Variants in NEGR1 observed in about 807,000 individuals in gnomAD.
NEGR1 encodes the protein neuronal growth regulator 1.
A neutral mutation model predicts 40.9 loss-of-function variants in NEGR1; 10 were observed. The observed-to-expected ratio is 0.24, with a 90% CI of 0.15 to 0.42. The LOEUF (loss-of-function observed/expected upper bound fraction) is 0.42. NEGR1 is among the 10% of genes least tolerant of loss of function. NEGR1 has a pLI of 1.00. For synonymous variants in NEGR1, 185 were observed against 166.8 expected, an observed-to-expected ratio of 1.11 and a Z score of -0.84; for missense variants, 352 against 438.9, an observed-to-expected ratio of 0.80 and a Z score of 1.77.
At chr1:71,969,009 T>C (rs1214072424) in intron 1 of NEGR1, among the ~76,000 whole-genome samples, 1 of 151,794 alleles carries the variant, frequency 6.6e-6, no homozygotes, top group Non-Finnish European at 1.5e-5. Context: ...CTCATATGTT[T>C]TTTTTGTTTT....
At chr1:71,802,698 T>G (rs976222130) in intron 2 of NEGR1, among the ~76,000 whole-genome samples, 1 of 152,186 alleles carries the variant, frequency 6.6e-6, no homozygotes, top group African/African-American at 2.4e-5. Context: ...TCTAATAAAA[T>G]GCCTTGATAG....
chr1:71,475,278 A>T (rs1304129731), intron 6 of NEGR1, among the ~76,000 whole-genome samples: 1 of 152,078 alleles, frequency 6.6e-6, no homozygotes, highest in Admixed American at 6.6e-5. Flanking sequence ...TTTTCCATAT[A>T]TGGCTATTGA....
chr1:71,955,046 C>T (rs896728994), intron 1 of NEGR1, among the ~76,000 whole-genome samples: 20 of 152,088 alleles, frequency 1.3e-4, no homozygotes, highest in African/African-American at 2.4e-4. Context: ...AGGTAGATTT[C>T]GGATTTAACC....
At chr1:72,048,774 C>T (rs1647027390) in intron 1 of NEGR1, among the ~76,000 whole-genome samples, 2 of 151,546 alleles carry the variant, frequency 1.3e-5, no homozygotes, top group Non-Finnish European at 3.0e-5. Flanking sequence ...TTCTTTTCTG[C>T]CTTTAACATA....
At chr1:71,746,718 G>A (rs11209832) in intron 3 of NEGR1, among the ~76,000 whole-genome samples, 4,461 of 147,720 alleles carry the variant, frequency 0.03, 83 homozygotes, top group Middle Eastern at 0.059. Flanking sequence ...ATATGTATAC[G>A]TATACACACA....
chr1:71,819,322 G>A (rs769905065), intron 2 of NEGR1, among the ~76,000 whole-genome samples: 31 of 151,886 alleles, frequency 2.0e-4, no homozygotes, highest in Non-Finnish European at 4.4e-4. Flanking sequence ...ATCCAGTTAT[G>A]CATCAGCTAT....
At chr1:71,727,472 T>C (rs1348672267) in intron 3 of NEGR1, among the ~76,000 whole-genome samples, 4 of 152,122 alleles carry the variant, frequency 2.6e-5, no homozygotes, top group African/African-American at 9.7e-5. Context: ...TACTAAAATA[T>C]GTCAATAATC....
intron 2 of NEGR1, among the ~76,000 whole-genome samples, chr1:71,843,238 G>A (rs1374366521): frequency 6.6e-6 from 1 of 152,074 alleles, no homozygotes; most frequent in Non-Finnish European, 1.5e-5. Context: ...ATGGAGAAAG[G>A]CTTGTCCTAT....
chr1:71,870,044 T>A (rs527677935), intron 2 of NEGR1, among the ~76,000 whole-genome samples: 1 of 152,176 alleles, frequency 6.6e-6, no homozygotes, highest in African/African-American at 2.4e-5. Context: ...CACAGCTGGC[T>A]AATTTTTGTA....
intron 1 of NEGR1, among the ~76,000 whole-genome samples, chr1:72,137,735 A>G (rs1016697906): frequency 6.6e-6 from 1 of 152,156 alleles, no homozygotes; most frequent in African/African-American, 2.4e-5. Context: ...AAAAAATAAA[A>G]AAGAATACGG....
chr1:71,565,343 T>A (rs1177672568), intron 6 of NEGR1, among the ~76,000 whole-genome samples: 1 of 152,198 alleles, frequency 6.6e-6, no homozygotes, highest in Non-Finnish European at 1.5e-5. Context: ...TATGCTTCTA[T>A]GTATGTATAC....
intron 2 of NEGR1, among the ~76,000 whole-genome samples, chr1:71,933,184 A>G (rs1264027414): frequency 1.3e-5 from 2 of 152,062 alleles, no homozygotes; most frequent in Non-Finnish European, 2.9e-5. Flanking sequence ...AGCAAAAAAG[A>G]GTACTATAGT....
At chr1:71,877,384 G>T (rs1248746178) in intron 2 of NEGR1, among the ~76,000 whole-genome samples, 1 of 152,116 alleles carries the variant, frequency 6.6e-6, no homozygotes, top group African/African-American at 2.4e-5. Flanking sequence ...GGAAGTCTGA[G>T]ATCAAGGCGT....
At chr1:71,887,882 C>T (rs12048549) in intron 2 of NEGR1, among the ~76,000 whole-genome samples, 3 of 151,990 alleles carry the variant, frequency 2.0e-5, no homozygotes, top group South Asian at 2.1e-4. Context: ...TTCCTACAGG[C>T]TAATCTCCCC....
chr1:72,053,062 T>C (rs1267319384), intron 1 of NEGR1, among the ~76,000 whole-genome samples: 2 of 151,464 alleles, frequency 1.3e-5, no homozygotes, highest in Non-Finnish European at 3.0e-5. Context: ...TTTTTTCATG[T>C]CACTAGATTA....
intron 2 of NEGR1, among the ~76,000 whole-genome samples, chr1:71,856,449 A>ATG (rs536246058): frequency 2.0e-5 from 3 of 151,992 alleles, no homozygotes; most frequent in Non-Finnish European, 4.4e-5. Context: ...TTTAACAAAC[A>ATG]TGTGTTCTCT....
At position 71,417,073 on chromosome 1, in the gene NEGR1, A is replaced by G. The variant is rs530716476; in HGVS notation, c.941-9503T>C. On this transcript the variant is annotated intron_variant, in intron 6 of 6. Coordinates refer to ENST00000357731, the MANE Select transcript of NEGR1 (RefSeq NM_173808.3). ...ATTCTCTGTGCTTCCATCTCTATGT[A>G]GCTTCCCTGAATTATTACCTAACTC... 2.4e-4 allele frequency among the ~76,000 whole-genome samples: 37 copies of G among 152,306 alleles called. No individual in the cohort carries two copies. The South Asian group carries it at 6.2e-3, about 26-fold the overall frequency.
At chr1:71,568,861 T>A (rs940692106) in intron 6 of NEGR1, among the ~76,000 whole-genome samples, 17 of 151,516 alleles carry the variant, frequency 1.1e-4, no homozygotes, top group African/African-American at 2.4e-5. Context: ...TGTGTGTGTG[T>A]GTGTGTATAC....
chr1:71,513,372 T>C (rs944254027), intron 6 of NEGR1, among the ~76,000 whole-genome samples: 3 of 152,156 alleles, frequency 2.0e-5, no homozygotes, highest in Admixed American at 1.3e-4. Flanking sequence ...AGGGTCTGGG[T>C]CTCAGTTTTG....
Sources: allele counts gnomAD v4.1 joint callset (sites outside exome capture counted in the v4.1 genomes callset), GRCh38; gene constraint gnomAD v4.1.1; transcripts MANE v1.5; gene names NCBI Gene and HGNC (gene_info 2026-07-23, HGNC 2026-07-21).